The following GRID2IP variants were observed in gnomAD, a reference collection of about 807,000 sequenced individuals.
The protein encoded by GRID2IP is delphilin.
Under a neutral mutation model 114.3 loss-of-function variants are expected in GRID2IP, and 78 were observed. That is an observed-to-expected ratio of 0.68 (90% CI 0.57 to 0.82). The LOEUF is 0.82. GRID2IP is among the 40% of genes least tolerant of loss of function. The probability of loss-of-function intolerance (pLI) is 0.00; values close to 1 mark genes in which losing one functional copy is unlikely to be tolerated. For synonymous variants in GRID2IP, 809 were observed against 724.0 expected, an observed-to-expected ratio of 1.12 and a Z score of -1.89; for missense variants, 1,727 against 1,678.5, an observed-to-expected ratio of 1.03 and a Z score of -0.51.
chr7:6,551,077 C>T lies in GRID2IP; in HGVS notation c.360G>A (p.Leu120=). The T allele has an allele frequency of 2.3e-6, 3 of 1,315,126 alleles. No homozygotes were observed. Among genetic ancestry groups the T allele is most frequent in the African/African-American group, 1.5e-5 (1 of 64,836 alleles). The allele number at this position is 1,315,126 out of a possible 1,614,324, so 81.5% of individuals were successfully genotyped here. ...GLALGRELLR[L]AGRKRPDAVH... ...CCGCGTCCGGGCGCTTGCGGCCGGC[C>T]AGGCGAAGCAGCTCACGGCCCAGAG... The change falls in exon 1 of 22, where the codon CTG becomes CTA. Residue 120 remains leucine, a synonymous_variant. Transcript: ENST00000457091.
chr7:6,510,265 C>A lies in GRID2IP; in HGVS notation c.1771+18G>T. On this transcript the variant is annotated intron_variant, in intron 11 of 21. Transcript: ENST00000457091. The stretch of plus-strand genomic sequence containing the variant: ...AGGGAAACACCCAGACAGTAGATGA[C>A]AGAGGCTGGAGCCCTACCTGTGGTG... The A allele has an allele frequency of 6.7e-7, 1 of 1,487,578 alleles. No homozygotes were observed. Among genetic ancestry groups the A allele is most frequent in the Non-Finnish European group, 9.1e-7 (1 of 1,096,986 alleles). The allele number at this position is 1,487,578 out of a possible 1,614,324, so 92.1% of individuals were successfully genotyped here.
chr7:6,503,786 A>C, intron 15 of GRID2IP, 99 bp from the exon 16 acceptor site: 7 of 812,666 alleles, frequency 8.6e-6, no homozygotes, highest in Non-Finnish European at 1.1e-5. Flanking sequence ...GAGGGCGGAC[A>C]CGGGGCGGGG....
chr7:6,499,200 G>A (rs530892648), intron 20 of GRID2IP, among the ~76,000 whole-genome samples: 1 of 152,276 alleles, frequency 6.6e-6, no homozygotes, highest in Admixed American at 6.5e-5. Context: ...AGATCACACA[G>A]CAAGCACTGT....
At chr7:6,504,539 G>A (rs1306676564) in intron 15 of GRID2IP, among the ~76,000 whole-genome samples, 1 of 152,080 alleles carries the variant, frequency 6.6e-6, no homozygotes, top group Non-Finnish European at 1.5e-5. Flanking sequence ...CGGGGCCTGC[G>A]AAGGAGAGAG....
chr7:6,542,004 CA>C (rs1324309542), intron 1 of GRID2IP, among the ~76,000 whole-genome samples: 2 of 152,010 alleles, frequency 1.3e-5, no homozygotes, highest in Non-Finnish European at 2.9e-5. Context: ...AGGCCAAAAA[CA>C]AAGAGGAAAA....
chr7:6,517,197 G>A (rs2115067142), intron 7 of GRID2IP, among the ~76,000 whole-genome samples: 1 of 151,862 alleles, frequency 6.6e-6, no homozygotes, highest in South Asian at 2.1e-4. Flanking sequence ...TGGGACTACA[G>A]GCGCCTGCCA....
rs933548745 is a variant in GRID2IP at position 6,534,224 on chromosome 7, C to T, written c.584+5494G>A. Among the ~76,000 whole-genome samples the T allele has an allele frequency of 4.6e-5, 7 of 152,116 alleles. No homozygotes were observed. Among genetic ancestry groups the T allele is most frequent in the Admixed American group, 6.6e-5 (1 of 15,246 alleles). ...GACCTGTATTCAAGCCGGGTCTGTC[C>T]GGATTCCGAATCCCAGCTTCTACCA... is the stretch of plus-strand genomic sequence containing the variant. On this transcript the variant is annotated intron_variant, in intron 2 of 21. Transcript: ENST00000457091. This position sits in a 1 kb window ranked among gnomAD's most constrained non-coding sequence, Gnocchi z 4.5.
chr7:6,527,284 G>A (rs1040854123), intron 2 of GRID2IP, among the ~76,000 whole-genome samples: 1 of 152,278 alleles, frequency 6.6e-6, no homozygotes, highest in South Asian at 2.1e-4. Flanking sequence ...TGCCCACTCA[G>A]ATATCTGGCA....
chr7:6,539,885 G>A lies in GRID2IP; in HGVS notation c.430-13C>T, dbSNP rs1355852873. The A allele has an allele frequency of 7.1e-6, 11 of 1,548,568 alleles. No homozygotes were observed. Among genetic ancestry groups the A allele is most frequent in the East Asian group, 2.4e-5 (1 of 40,882 alleles). ...AGATTTCATCCACCTGCAAGGAGGA[G>A]TCCTGTGAATGACCAAAAGGGATCC... is the stretch of plus-strand genomic sequence containing the variant. On this transcript the variant is annotated splice_polypyrimidine_tract_variant and intron_variant, in intron 1 of 21. Coordinates refer to ENST00000457091, the MANE Select transcript of GRID2IP (RefSeq NM_001145118.2).
intron 20 of GRID2IP, among the ~76,000 whole-genome samples, chr7:6,499,722 C>T (rs898966321): frequency 3.3e-5 from 5 of 151,776 alleles, no homozygotes; most frequent in Admixed American, 6.6e-5. Context: ...TGAGCCACAG[C>T]GCCTGGACTG....
In GRID2IP at chr7:6,551,100, G is replaced by T; in HGVS notation, c.337C>A (p.Leu113Met). 1 of 1,305,556 alleles carries T rather than the reference G, an allele frequency of 7.7e-7. No homozygotes were observed. The highest frequency in any genetic ancestry group is 9.7e-7 in the Non-Finnish European group (1 of 1,031,430). 80.9% of individuals were successfully genotyped at this position (1,305,556 alleles called of 1,614,324 possible). The change falls in exon 1 of 22, where the codon CTG becomes ATG. Residue 113 changes from leucine to methionine, a missense_variant. Coordinates refer to ENST00000457091, the MANE Select transcript of GRID2IP (RefSeq NM_001145118.2). ...GCCAGGCGAAGCAGCTCACGGCCCA[G>T]AGCTAGGCCGCGGCCGCACCGCGGG... ...RAPRCGRGLA[L>M]GRELLRLAGR... is the part of the protein sequence containing the mutation.
rs1286624384 is a variant in GRID2IP, at chr7:6,536,250, T to G, written c.584+3468A>C. Among the ~76,000 whole-genome samples, 1 of 152,162 alleles carries G rather than the reference T, an allele frequency of 6.6e-6. No individual in the cohort carries two copies. Among genetic ancestry groups the G allele is most frequent in the East Asian group, 1.9e-4 (1 of 5,184 alleles). ...TAACATTCTCCTTGCGGAGCCCAGC[T>G]GGGCGCCGCCCCTTCCTCCAGCAGC... On this transcript the variant is annotated intron_variant, in intron 2 of 21. Coordinates refer to ENST00000457091, the MANE Select transcript of GRID2IP (RefSeq NM_001145118.2). This position sits in a 1 kb window ranked among gnomAD's most constrained non-coding sequence, Gnocchi z 5.3.
At chr7:6,531,200 C>A (rs933031041) in intron 2 of GRID2IP, 1 of 454,044 alleles carries the variant, frequency 2.2e-6, no homozygotes, top group Non-Finnish European at 3.9e-6. Context: ...CACCTCTGCC[C>A]TGCGAGCGCG....
In GRID2IP at chr7:6,536,757, C is replaced by G. The variant is rs1337717460; in HGVS notation, c.584+2961G>C. The stretch of plus-strand genomic sequence containing the variant: ...CAGCGCATCATCTCCGCGGCAAATT[C>G]GGCTCTAGAAATAACTTTTTTCCTT... On this transcript the variant is annotated intron_variant, in intron 2 of 21. Coordinates refer to ENST00000457091, the MANE Select transcript of GRID2IP (RefSeq NM_001145118.2). This position sits in a 1 kb window ranked among gnomAD's most constrained non-coding sequence, Gnocchi z 5.3. 3 of 700,832 alleles carry G rather than the reference C, an allele frequency of 4.3e-6. No homozygotes were observed. The highest frequency in any genetic ancestry group is 7.8e-6 in the Non-Finnish European group (3 of 383,644). 43.4% of individuals were successfully genotyped at this position (700,832 alleles called of 1,614,324 possible). A position where few individuals can be genotyped will look rare whatever the true frequency, so the allele number is the denominator to read the frequency against.
In GRID2IP at chr7:6,520,683, C is replaced by T. The variant is rs1266055403; in HGVS notation, c.1163G>A (p.Ser388Asn). Residue 388 changes from serine (S) to asparagine (N), a missense_variant, in exon 7 of 22, where the codon AGC becomes AAC. Physicochemically the swap from Ser to Asn is conservative, Grantham distance 46 (BLOSUM62 1). Transcript: ENST00000457091. The surrounding 1 kb of genome is among the most constrained non-coding windows in gnomAD (Gnocchi z 4.6). ...LQWVAEILPS[S>N]IRVQGRTFSQ... ...GAAGGTCCTCCCTTGGACCCGGATG[C>T]TGGACGGCAGGATCTCCGCCACCCA... 1 of 1,551,678 alleles carries T rather than the reference C, an allele frequency of 6.4e-7. No homozygotes were observed. Among genetic ancestry groups the T allele is most frequent in the South Asian group, 1.2e-5 (1 of 84,064 alleles).
Position 6,528,214 on chromosome 7 carries a change from G to T in GRID2IP, c.585-1445C>A, listed in dbSNP as rs953356753. On this transcript the variant is annotated intron_variant, in intron 2 of 21. Coordinates refer to ENST00000457091, the MANE Select transcript of GRID2IP (RefSeq NM_001145118.2). The surrounding 1 kb of genome is among the most constrained non-coding windows in gnomAD (Gnocchi z 6.0). ...ACCCAGCCTTGGAAGCTTTCCGGGGGTTATGTCTATAGTTCAATCCTGAGC... is the reference window on the plus strand; with the variant it reads ...ACCCAGCCTTGGAAGCTTTCCGGGGTTTATGTCTATAGTTCAATCCTGAGC... Among the ~76,000 whole-genome samples the T allele has an allele frequency of 4.6e-5, 7 of 152,092 alleles. No homozygotes were observed. Among genetic ancestry groups the T allele is most frequent in the Non-Finnish European group, 1.0e-4 (7 of 68,030 alleles).
At chr7:6,550,560 C>G (rs1779957991) in intron 1 of GRID2IP, among the ~76,000 whole-genome samples, 1 of 150,912 alleles carries the variant, frequency 6.6e-6, no homozygotes. Flanking sequence ...CCTGTAATCC[C>G]AGCACTTTGG....
chr7:6,521,071 A>G lies in GRID2IP; in HGVS notation c.1085-310T>C, dbSNP rs2115072488. 6.6e-6 allele frequency among the ~76,000 whole-genome samples: 1 copy of G among 152,296 alleles called. No individual in the cohort carries two copies. The highest frequency in any genetic ancestry group is 1.5e-5 in the Non-Finnish European group (1 of 68,024). On this transcript the variant is annotated intron_variant, in intron 6 of 21. Coordinates refer to ENST00000457091, the MANE Select transcript of GRID2IP (RefSeq NM_001145118.2). The surrounding 1 kb of genome is among the most constrained non-coding windows in gnomAD (Gnocchi z 4.1). ...CTGCAACCTCCGCTTCCTGGGTTCA[A>G]GTGATTCTCTTGCCTCAGCCTCCCA...
intron 1 of GRID2IP, among the ~76,000 whole-genome samples, chr7:6,550,690 G>A (rs1345304023): frequency 6.7e-6 from 1 of 150,362 alleles, no homozygotes; most frequent in Non-Finnish European, 1.5e-5. Context: ...TTAGCTGGGT[G>A]TGGTGGCAAA....
Sources: gnomAD v4.1 joint callset for allele counts (sites outside exome capture counted in the v4.1 genomes callset) on GRCh38, gnomAD v4.1.1 for gene constraint, Gnocchi (gnomAD v3.1) non-coding constraint, MANE v1.5 for transcripts, NCBI Gene and HGNC (gene_info 2026-07-23, HGNC 2026-07-21) for gene names.